The following TULP4 variants were observed in gnomAD, a reference collection of about 807,000 sequenced individuals.
TULP4 encodes tubby-related protein 4.
TULP4 carries 16 observed loss-of-function variants against 129.0 expected under a neutral mutation model. That is an observed-to-expected ratio of 0.12 (90% CI 0.08 to 0.19). The LOEUF is 0.19. Ranked by LOEUF, TULP4 falls within the 10% of genes least tolerant of loss-of-function variation. The pLI, the probability that TULP4 is intolerant of heterozygous loss-of-function variation, is 1.00. For synonymous variants in TULP4, 998 were observed against 854.0 expected (o/e 1.17, Z -2.94); for missense variants, 1,842 against 2,059.1 (o/e 0.89, Z 2.04).
intron 1 of TULP4, among the ~76,000 whole-genome samples, chr6:158,317,325 C>A (rs915730613): frequency 1.3e-5 from 2 of 148,350 alleles, no homozygotes; most frequent in Non-Finnish European, 3.0e-5. Flanking sequence ...CTGCCCCCCA[C>A]CCCACGACAG....
intron 1 of TULP4, among the ~76,000 whole-genome samples, chr6:158,360,487 T>C (rs1429793814): frequency 6.6e-6 from 1 of 152,072 alleles, no homozygotes; most frequent in African/African-American, 2.4e-5. Flanking sequence ...TTTTTCTAAG[T>C]GATTTGGAAG....
chr6:158,391,015 T>C (rs1459575625), intron 1 of TULP4, among the ~76,000 whole-genome samples: 4 of 152,154 alleles, frequency 2.6e-5, no homozygotes, highest in Non-Finnish European at 4.4e-5. Context: ...GGTTTGAGGC[T>C]GCACTGAGCT....
At chr6:158,295,919 A>G (rs1251594782) in intron 1 of TULP4, among the ~76,000 whole-genome samples, 1 of 152,212 alleles carries the variant, frequency 6.6e-6, no homozygotes, top group African/African-American at 2.4e-5. Flanking sequence ...TGGCCAGCAT[A>G]CAAGCAACAC....
At chr6:158,324,579 C>CA (rs2128488786) in intron 1 of TULP4, among the ~76,000 whole-genome samples, 1 of 152,346 alleles carries the variant, frequency 6.6e-6, no homozygotes, top group African/African-American at 2.4e-5. Flanking sequence ...GATGGATCGT[C>CA]TATCGTGTGT....
chr6:158,358,821 T>C (rs1169260336), intron 1 of TULP4, among the ~76,000 whole-genome samples: 1 of 152,202 alleles, frequency 6.6e-6, no homozygotes, highest in Non-Finnish European at 1.5e-5. Flanking sequence ...TCTTGATAGG[T>C]AACGAGGTTT....
Position 158,239,244 on chromosome 6 carries a change from C to G in TULP4, n.68+6941C>G, listed in dbSNP as rs564367629. Among the ~76,000 whole-genome samples, 3 of 67,816 alleles carry G rather than the reference C, an allele frequency of 4.4e-5. 1 individual carries two copies. Among genetic ancestry groups the G allele is most frequent in the Non-Finnish European group, 9.6e-5 (3 of 31,336 alleles). The allele number at this position is 67,816 out of a possible 152,430, so 44.5% of individuals were successfully genotyped here. A position where few individuals can be genotyped will look rare whatever the true frequency, so the allele number is the denominator to read the frequency against. ...TGGCCGGGCGGGGGGCTGACCCCCC[C>G]ACCTCCCTCCCGGACCGGGCGGCTG... On this transcript the variant is annotated intron_variant and non_coding_transcript_variant, in intron 1 of 1. Coordinates refer to the TULP4 transcript ENST00000620026.
At chr6:158,287,790 A>G (rs9348250) in intron 1 of TULP4, among the ~76,000 whole-genome samples, 23,160 of 152,140 alleles carry the variant, frequency 0.15, 2,454 homozygotes, top group East Asian at 0.43. Context: ...TTGAAAGGAG[A>G]GTAATTTTTA....
At chr6:158,429,027 G>A (rs1035480764) in intron 2 of TULP4, among the ~76,000 whole-genome samples, 3 of 152,136 alleles carry the variant, frequency 2.0e-5, no homozygotes, top group African/African-American at 4.8e-5. Flanking sequence ...CTGTCACCCA[G>A]GCTGGAGTAC....
chr6:158,337,040 T>A (rs1780053546), intron 1 of TULP4, among the ~76,000 whole-genome samples: 1 of 7,678 alleles, frequency 1.3e-4, no homozygotes, highest in East Asian at 0.01. Context: ...TTTCTTTTTC[T>A]TTCTTTCTTT....
intron 1 of TULP4, among the ~76,000 whole-genome samples, chr6:158,292,462 T>C (rs1002436344): frequency 6.6e-6 from 1 of 152,328 alleles, no homozygotes; most frequent in South Asian, 2.1e-4. Flanking sequence ...TTCTATACTT[T>C]CCTGCAAGTC....
intron 4 of TULP4, among the ~76,000 whole-genome samples, chr6:158,450,965 T>G (rs1173434774): frequency 6.6e-6 from 1 of 152,008 alleles, no homozygotes; most frequent in African/African-American, 2.4e-5. Flanking sequence ...CTCCGGAGGC[T>G]GAGGCAGGAG....
chr6:158,446,208 GTTGTATCACTGTTC>G (rs1434518045), intron 3 of TULP4, among the ~76,000 whole-genome samples: 1 of 152,194 alleles, frequency 6.6e-6, no homozygotes, highest in Non-Finnish European at 1.5e-5. Context: ...CTGATTTTAT[GTTGTATCACTGTTC>G]TTCAGTAATC....
At chr6:158,270,506 G>A (rs1397121923) in intron 1 of TULP4, among the ~76,000 whole-genome samples, 1 of 152,196 alleles carries the variant, frequency 6.6e-6, no homozygotes, top group African/African-American at 2.4e-5. Context: ...TCAGCACCCG[G>A]CCTGTTCGGC....
Position 158,432,220 on chromosome 6 carries a change from C to CTCT in TULP4, c.543+2323_543+2324insTCT, listed in dbSNP as rs1778646812. ...GCACTCAGTCTTGTTTGAACTGAGA[C>CTCT]ATAGAGCAGGAATACTCCTCCTCCT... is the stretch of plus-strand genomic sequence containing the variant. On this transcript the variant is annotated intron_variant, in intron 3 of 13. Transcript: ENST00000367097. 2.6e-5 allele frequency among the ~76,000 whole-genome samples: 4 copies of CTCT among 151,526 alleles called. 1 individual carries two copies. In the South Asian group the frequency reaches 8.4e-4, roughly 32 times the overall value.
At chr6:158,292,972 T>G (rs527307487) in intron 1 of TULP4, among the ~76,000 whole-genome samples, 5 of 152,300 alleles carry the variant, frequency 3.3e-5, no homozygotes, top group Admixed American at 3.3e-4. Flanking sequence ...TGAAGGCACC[T>G]GACTTTTGAT....
At chr6:158,308,998 C>A (rs1779280008), upstream of TULP4, among the ~76,000 whole-genome samples, 1 of 146,226 alleles carries the variant, frequency 6.8e-6, no homozygotes, top group Non-Finnish European at 1.5e-5. Flanking sequence ...CCCCCCACCT[C>A]CCTCCCGGAC....
At chr6:158,504,327 A>T in intron 13 of TULP4, 149 bp downstream of exon 13, 1 of 677,018 alleles carries the variant, frequency 1.5e-6, no homozygotes, top group Non-Finnish European at 2.4e-6. Context: ...TATGGTTTTT[A>T]GTGTGCCCAC....
chr6:158,483,447 C>G (rs544939152), intron 8 of TULP4, among the ~76,000 whole-genome samples: 25 of 152,224 alleles, frequency 1.6e-4, no homozygotes, highest in African/African-American at 5.5e-4. Context: ...ATCCTCCCAC[C>G]TCAGCCTCCT....
At chr6:158,232,519 C>T (rs1446385160) in intron 1 of TULP4, among the ~76,000 whole-genome samples, 5 of 151,340 alleles carry the variant, frequency 3.3e-5, no homozygotes, top group Admixed American at 6.6e-5. Context: ...CCGGGCCCGG[C>T]GGCCGTGGCC....
Sources: allele counts gnomAD v4.1 joint callset (sites outside exome capture counted in the v4.1 genomes callset), GRCh38; gene constraint gnomAD v4.1.1; transcripts MANE v1.5; gene names NCBI Gene and HGNC (gene_info 2026-07-23, HGNC 2026-07-21).